The following GMDS variants were observed in gnomAD, a reference collection of about 807,000 sequenced individuals.
GMDS encodes the protein GDP-mannose 4,6 dehydratase.
Under a neutral mutation model 49.9 loss-of-function variants are expected in GMDS, and 20 were observed. That is an observed-to-expected ratio of 0.40 (90% CI 0.28 to 0.58). GMDS has a LOEUF of 0.58. Among genes scored for constraint, GMDS ranks in the 20% least tolerant of loss-of-function variants. The probability of loss-of-function intolerance (pLI) is 0.42; values close to 1 mark genes in which losing one functional copy is unlikely to be tolerated. For missense variants in GMDS, 362 were observed against 481.4 expected (o/e 0.75, Z 2.32); for synonymous variants, 177 against 178.6 (o/e 0.99, Z 0.07).
chr6:1,692,536 A>G (rs4478451), intron 9 of GMDS, among the ~76,000 whole-genome samples: 150,862 of 152,350 alleles, frequency 0.99, 74,712 homozygotes, highest in Middle Eastern at 1. Flanking sequence ...AATTACACAC[A>G]TACATTAGGG....
chr6:1,869,952 G>A (rs943745187), intron 7 of GMDS, among the ~76,000 whole-genome samples: 17 of 152,212 alleles, frequency 1.1e-4, no homozygotes, highest in African/African-American at 3.9e-4. Flanking sequence ...TCCTTCTGCC[G>A]CAGGGTGGGT....
intron 7 of GMDS, among the ~76,000 whole-genome samples, chr6:1,927,861 T>C (rs1762101587): frequency 6.6e-6 from 1 of 152,210 alleles, no homozygotes; most frequent in African/African-American, 2.4e-5. Flanking sequence ...TTTACACATG[T>C]TCATTTAAAA....
At chr6:1,935,605 T>C (rs995166724) in intron 6 of GMDS, among the ~76,000 whole-genome samples, 3 of 152,166 alleles carry the variant, frequency 2.0e-5, no homozygotes, top group African/African-American at 4.8e-5. Context: ...CAGCCAGGCA[T>C]GTGGGCCTAC....
intron 9 of GMDS, among the ~76,000 whole-genome samples, chr6:1,710,154 C>A (rs571950308): frequency 1.5e-4 from 23 of 152,330 alleles, no homozygotes; most frequent in East Asian, 9.6e-4. Flanking sequence ...GTCAACACTG[C>A]TCCTGCAGAG....
At chr6:1,629,543 G>A (rs9405498) in intron 9 of GMDS, among the ~76,000 whole-genome samples, 1 of 152,198 alleles carries the variant, frequency 6.6e-6, no homozygotes, top group Non-Finnish European at 1.5e-5. Context: ...GGAAGTGGCA[G>A]AGGGAGGAGC....
chr6:1,869,854 A>G (rs1013392977), intron 7 of GMDS, among the ~76,000 whole-genome samples: 1 of 152,244 alleles, frequency 6.6e-6, no homozygotes, highest in Non-Finnish European at 1.5e-5. Context: ...CTACTGTTAC[A>G]AAAGCAGGGA....
At chr6:2,115,229 G>T (rs773889784) in intron 4 of GMDS, among the ~76,000 whole-genome samples, 4 of 152,178 alleles carry the variant, frequency 2.6e-5, no homozygotes, top group Non-Finnish European at 5.9e-5. Context: ...AATGCGAATA[G>T]AGGGGAAAAT....
At chr6:1,796,561 A>T (rs1053486640) in intron 7 of GMDS, among the ~76,000 whole-genome samples, 4 of 152,162 alleles carry the variant, frequency 2.6e-5, no homozygotes, top group African/African-American at 9.6e-5. Flanking sequence ...TGTTTTGGAA[A>T]ATTTCCTTGG....
chr6:1,659,392 G>T (rs1763993710), intron 9 of GMDS, among the ~76,000 whole-genome samples: 2 of 151,982 alleles, frequency 1.3e-5, no homozygotes, highest in African/African-American at 2.4e-5. Flanking sequence ...ACTAAAGCAG[G>T]TCTCTTGGGA....
intron 4 of GMDS, among the ~76,000 whole-genome samples, chr6:2,106,912 C>T (rs1310005111): frequency 6.6e-6 from 1 of 151,576 alleles, no homozygotes; most frequent in Non-Finnish European, 1.5e-5. Flanking sequence ...TATTTACTAA[C>T]TTACTCTTTA....
chr6:1,777,732 T>C (rs1281228705), intron 7 of GMDS, among the ~76,000 whole-genome samples: 1 of 152,222 alleles, frequency 6.6e-6, no homozygotes, highest in Non-Finnish European at 1.5e-5. Context: ...TGTGGAACAC[T>C]TTCTTCTTCG....
intron 7 of GMDS, among the ~76,000 whole-genome samples, chr6:1,803,275 C>T (rs1770021460): frequency 6.6e-6 from 1 of 151,442 alleles, no homozygotes; most frequent in Non-Finnish European, 1.5e-5. Context: ...GGCATTCTTG[C>T]AAAACCCTGG....
chr6:2,215,851 A>G (rs1018027541), intron 1 of GMDS, among the ~76,000 whole-genome samples: 11 of 152,222 alleles, frequency 7.2e-5, no homozygotes, highest in African/African-American at 2.2e-4. Flanking sequence ...ACAAACTATT[A>G]TTAACTTAGT....
At chr6:2,071,651 T>C (rs559114809) in intron 4 of GMDS, among the ~76,000 whole-genome samples, 5 of 147,248 alleles carry the variant, frequency 3.4e-5, no homozygotes, top group African/African-American at 1.0e-4. Context: ...GAAAAAGCTA[T>C]GAAAAACAAT....
At chr6:2,231,955 T>G (rs561017449) in intron 1 of GMDS, among the ~76,000 whole-genome samples, 2 of 152,334 alleles carry the variant, frequency 1.3e-5, no homozygotes, top group Non-Finnish European at 2.9e-5. Context: ...AAATGAAATT[T>G]TTTTAATAGT....
At chr6:1,992,320 G>A (rs887077899) in intron 4 of GMDS, among the ~76,000 whole-genome samples, 13 of 152,070 alleles carry the variant, frequency 8.5e-5, no homozygotes, top group African/African-American at 3.1e-4. Context: ...TCTGGCCTTC[G>A]CTGTTCATGG....
intron 7 of GMDS, among the ~76,000 whole-genome samples, chr6:1,804,048 T>G (rs1356232647): frequency 6.6e-6 from 1 of 152,216 alleles, no homozygotes. Flanking sequence ...AAAACTTGGC[T>G]GTTCACCACA....
chr6:1,664,602 G>T (rs1249207686), intron 9 of GMDS, among the ~76,000 whole-genome samples: 1 of 152,196 alleles, frequency 6.6e-6, no homozygotes, highest in African/African-American at 2.4e-5. Context: ...GTGCTTTTGA[G>T]TATAAGCCAT....
At position 1,960,591 on chromosome 6, in the gene GMDS, T is replaced by C. The variant is rs3734742; in HGVS notation, c.538+183A>G. On this transcript the variant is annotated intron_variant, in intron 5 of 10. Coordinates refer to ENST00000380815, the MANE Select transcript of GMDS (RefSeq NM_001500.4). ...CGAAGGCAATGGCAGCAAATACTTG[T>C]AGTTAGCAACGTATAAAGGTATGCT... 9.4e-4 allele frequency among the ~76,000 whole-genome samples: 143 copies of C among 152,328 alleles called. 1 individual carries two copies. The East Asian group carries it at 0.023, about 24-fold the overall frequency.
Sources: allele counts gnomAD v4.1 joint callset (sites outside exome capture counted in the v4.1 genomes callset), GRCh38; gene constraint gnomAD v4.1.1; transcripts MANE v1.5; gene names NCBI Gene and HGNC (gene_info 2026-07-23, HGNC 2026-07-21).